TBC1D22A: variants seen among roughly 807,000 people sequenced by gnomAD.
The protein encoded by TBC1D22A is putative GTPase activator.
In TBC1D22A, 38 loss-of-function variants were observed where a neutral mutation model predicts 60.2. The ratio of observed to expected loss-of-function variants is 0.63; its 90% confidence interval spans 0.49 to 0.83. TBC1D22A has a LOEUF of 0.83. TBC1D22A is among the 40% of genes least tolerant of loss of function. The pLI is 0.00. For missense variants in TBC1D22A, 628 were observed against 701.0 expected (o/e 0.90, Z 1.18); for synonymous variants, 302 against 281.7 (o/e 1.07, Z -0.72).
chr22:47,041,439 C>T (rs1312766040), intron 11 of TBC1D22A, among the ~76,000 whole-genome samples: 3 of 152,238 alleles, frequency 2.0e-5, no homozygotes, highest in Non-Finnish European at 2.9e-5. Context: ...TCCCACTTCA[C>T]ACCCAAGGGC....
At chr22:46,981,786 A>G (rs527664630) in intron 9 of TBC1D22A, among the ~76,000 whole-genome samples, 27 of 152,338 alleles carry the variant, frequency 1.8e-4, no homozygotes, top group Admixed American at 1.4e-3. Flanking sequence ...TTATAGCAGT[A>G]TGAAAGTGGA....
chr22:46,875,652 A>G (rs2067524695), intron 4 of TBC1D22A, among the ~76,000 whole-genome samples: 1 of 152,114 alleles, frequency 6.6e-6, no homozygotes, highest in Non-Finnish European at 1.5e-5. Context: ...GGGTTTCACC[A>G]TGTTGGCCAG....
At chr22:46,874,059 C>G (rs1467467228) in intron 4 of TBC1D22A, among the ~76,000 whole-genome samples, 1 of 152,152 alleles carries the variant, frequency 6.6e-6, no homozygotes, top group African/African-American at 2.4e-5. Context: ...ATCGGCCTGC[C>G]TCGGCCTCCC....
At chr22:47,012,739 G>GC (rs1234408634) in intron 10 of TBC1D22A, among the ~76,000 whole-genome samples, 1 of 152,192 alleles carries the variant, frequency 6.6e-6, no homozygotes, top group East Asian at 1.9e-4. Flanking sequence ...CCACACTTCA[G>GC]CCCCCTGCAG....
In TBC1D22A at chr22:46,777,100, G is replaced by A. The variant is rs531693002; in HGVS notation, c.62+14252G>A. Among the ~76,000 whole-genome samples, 4 of 152,236 alleles carry A rather than the reference G, an allele frequency of 2.6e-5. No individual in the cohort carries two copies. Among genetic ancestry groups the A allele is most frequent in the Admixed American group, 1.3e-4 (2 of 15,296 alleles). ...AAGGTGACCTAGAGGATGTGGAGAC[G>A]TGGGTGGGTGGTGTGCTTCAGGGAG... is the stretch of plus-strand genomic sequence containing the variant. On this transcript the variant is annotated intron_variant, in intron 1 of 12. Transcript: ENST00000337137. The surrounding 1 kb of genome is among the most constrained non-coding windows in gnomAD (Gnocchi z 4.5).
chr22:46,817,339 T>C (rs2147075473), intron 4 of TBC1D22A, among the ~76,000 whole-genome samples: 1 of 152,236 alleles, frequency 6.6e-6, no homozygotes, highest in Non-Finnish European at 1.5e-5. Context: ...GTAGGTTACG[T>C]GTGCCATGGT....
chr22:46,809,652 C>T (rs996759932), intron 4 of TBC1D22A, among the ~76,000 whole-genome samples: 5 of 151,986 alleles, frequency 3.3e-5, no homozygotes, highest in African/African-American at 1.2e-4. Flanking sequence ...AGGTCCTGTC[C>T]GGGCTTCGAC....
rs541934304 is a variant in TBC1D22A, at chr22:47,009,418, GTCATCACCACCATCA to G, written c.1201+11719_1201+11733del. Among the ~76,000 whole-genome samples, 107 of 146,900 alleles carry G rather than the reference GTCATCACCACCATCA, an allele frequency of 7.3e-4. 2 individuals are homozygous for G. The South Asian group carries it at 0.023, about 31-fold the overall frequency. On this transcript the variant is annotated intron_variant, in intron 10 of 12. Coordinates refer to ENST00000337137, the MANE Select transcript of TBC1D22A (RefSeq NM_014346.5). The surrounding 1 kb of genome is among the most constrained non-coding windows in gnomAD (Gnocchi z 5.8). ...TCATTTCCATCATCACCATCATTGTGTCATCACCACCATCATCATCACCATCACCATCATTTCTGT... is the reference window on the plus strand; with the variant it reads ...TCATTTCCATCATCACCATCATTGTGTCATCACCATCACCATCATTTCTGT...
intron 11 of TBC1D22A, among the ~76,000 whole-genome samples, chr22:47,091,548 G>T (rs1253418902): frequency 1.4e-5 from 2 of 146,856 alleles, no homozygotes; most frequent in Admixed American, 6.8e-5. Context: ...CTTTGGGGGG[G>T]TGTGGCCTTG....
At chr22:46,806,885 T>C (rs191478881) in intron 4 of TBC1D22A, among the ~76,000 whole-genome samples, 1 of 152,218 alleles carries the variant, frequency 6.6e-6, no homozygotes. Flanking sequence ...AATTATGGAA[T>C]TGGGTTTGCT....
chr22:46,941,108 TACACACACACACACAC>T (rs145138507), intron 8 of TBC1D22A, among the ~76,000 whole-genome samples: 65 of 77,460 alleles, frequency 8.4e-4, no homozygotes, highest in African/African-American at 2.9e-3. Flanking sequence ...GGCACTAGCA[TACACACACACACACAC>T]ACACACACAC....
At chr22:47,024,378 G>A (rs1039184432) in intron 10 of TBC1D22A, among the ~76,000 whole-genome samples, 4 of 152,194 alleles carry the variant, frequency 2.6e-5, no homozygotes, top group African/African-American at 9.6e-5. Context: ...ATCAGTAGGT[G>A]TGTTCAATGC....
At chr22:47,153,433 C>T (rs996377777) in intron 12 of TBC1D22A, among the ~76,000 whole-genome samples, 1 of 151,898 alleles carries the variant, frequency 6.6e-6, no homozygotes, top group Non-Finnish European at 1.5e-5. Flanking sequence ...CCATGGTGCT[C>T]CAAGCAGAGG....
chr22:46,902,668 G>A (rs1360792607), intron 7 of TBC1D22A, among the ~76,000 whole-genome samples: 1 of 152,236 alleles, frequency 6.6e-6, no homozygotes, highest in African/African-American at 2.4e-5. Flanking sequence ...CCTCCACTCA[G>A]AGTCCCGTTC....
chr22:47,053,760 T>C (rs1603188790), intron 11 of TBC1D22A, among the ~76,000 whole-genome samples: 2 of 152,262 alleles, frequency 1.3e-5, no homozygotes, highest in Admixed American at 6.5e-5. Context: ...GCTGAGCCCT[T>C]CTGCGCTCCA....
intron 5 of TBC1D22A, among the ~76,000 whole-genome samples, chr22:46,888,021 CTT>C (rs1432785322): frequency 6.6e-6 from 1 of 152,210 alleles, no homozygotes; most frequent in Non-Finnish European, 1.5e-5. Flanking sequence ...GTCCCGCTCT[CTT>C]TCAGGTCAGC....
intron 3 of TBC1D22A, 137 bp downstream of exon 3, chr22:46,793,978 T>C (rs1177367436): frequency 2.0e-5 from 17 of 850,014 alleles, no homozygotes; most frequent in Non-Finnish European, 3.1e-5. Context: ...AGAGCCCTTA[T>C]GGTTCTCTTC....
chr22:46,944,901 G>A (rs1219188542), intron 8 of TBC1D22A, among the ~76,000 whole-genome samples: 1 of 152,162 alleles, frequency 6.6e-6, no homozygotes, highest in Non-Finnish European at 1.5e-5. Context: ...ATTCACAAAA[G>A]CTGAAAGTTG....
intron 11 of TBC1D22A, among the ~76,000 whole-genome samples, chr22:47,041,594 G>C (rs994916675): frequency 6.6e-6 from 1 of 152,210 alleles, no homozygotes; most frequent in Non-Finnish European, 1.5e-5. Flanking sequence ...AGCCCTGGTG[G>C]GTCCATGTTC....
Sources: allele counts gnomAD v4.1 joint callset (sites outside exome capture counted in the v4.1 genomes callset), GRCh38; gene constraint gnomAD v4.1.1; non-coding constraint Gnocchi (gnomAD v3.1); transcripts MANE v1.5; gene names NCBI Gene and HGNC (gene_info 2026-07-23, HGNC 2026-07-21).